The following CEP83 variants were observed in gnomAD, a reference collection of about 807,000 sequenced individuals.
The protein encoded by CEP83 is centrosomal protein 83.
Under a neutral mutation model 101.9 loss-of-function variants are expected in CEP83, and 70 were observed. That is an observed-to-expected ratio of 0.69 (90% CI 0.57 to 0.84). The LOEUF is 0.84. Among genes scored for constraint, CEP83 ranks in the 40% least tolerant of loss-of-function variants. The pLI is 0.00. For missense variants in CEP83, 715 were observed against 787.2 expected, an observed-to-expected ratio of 0.91 and a Z score of 1.10; for synonymous variants, 264 against 267.9, an observed-to-expected ratio of 0.99 and a Z score of 0.14.
At chr12:94,416,823 C>T (rs1461210171) in intron 2 of CEP83, among the ~76,000 whole-genome samples, 2 of 151,838 alleles carry the variant, frequency 1.3e-5, no homozygotes, top group African/African-American at 4.8e-5. Context: ...CCTCCCTCAC[C>T]CCACTGAAAT....
At chr12:94,320,906 T>C (rs1241861243) in intron 14 of CEP83, among the ~76,000 whole-genome samples, 1 of 152,214 alleles carries the variant, frequency 6.6e-6, no homozygotes, top group Non-Finnish European at 1.5e-5. Context: ...TCTCTATAGT[T>C]CCTGTTGGTC....
At chr12:94,349,724 C>T (rs2060115648) in intron 11 of CEP83, among the ~76,000 whole-genome samples, 1 of 152,188 alleles carries the variant, frequency 6.6e-6, no homozygotes, top group Admixed American at 6.5e-5. Context: ...CAAGTACTCC[C>T]ACTTTTGCCA....
chr12:94,305,298 C>G, downstream of CEP83: 1 of 1,499,184 alleles, frequency 6.7e-7, no homozygotes, highest in Non-Finnish European at 9.2e-7. Context: ...ACTCTGGGGC[C>G]TGGCTTAATC....
At chr12:94,405,655 T>C (rs547563100) in intron 4 of CEP83, among the ~76,000 whole-genome samples, 3 of 152,228 alleles carry the variant, frequency 2.0e-5, no homozygotes, top group South Asian at 4.1e-4. Context: ...ATTAAACAGT[T>C]TGCAAGACAC....
chr12:94,334,010 A>G (rs1018733785), intron 12 of CEP83, among the ~76,000 whole-genome samples: 10 of 151,738 alleles, frequency 6.6e-5, no homozygotes, highest in South Asian at 2.1e-4. Context: ...ACCTCCTAGG[A>G]AAAAAAACTG....
At chr12:94,365,621 TTAG>T (rs2060981708) in intron 11 of CEP83, among the ~76,000 whole-genome samples, 1 of 151,840 alleles carries the variant, frequency 6.6e-6, no homozygotes, top group Admixed American at 6.6e-5. Flanking sequence ...AATACAAAAT[TTAG>T]CCAGTTGTGG....
At chr12:94,316,157 T>C (rs929075412) in intron 14 of CEP83, among the ~76,000 whole-genome samples, 2 of 152,174 alleles carry the variant, frequency 1.3e-5, no homozygotes, top group South Asian at 2.1e-4. Flanking sequence ...TTTAGGCATT[T>C]TTCCATTTTT....
intron 2 of CEP83, among the ~76,000 whole-genome samples, chr12:94,417,113 A>C (rs1201223258): frequency 6.6e-6 from 1 of 152,166 alleles, no homozygotes; most frequent in Non-Finnish European, 1.5e-5. Context: ...CAGGAGTTCG[A>C]GACCAGCCTG....
chr12:94,333,881 A>G (rs1191206133), intron 12 of CEP83, among the ~76,000 whole-genome samples: 1 of 152,100 alleles, frequency 6.6e-6, no homozygotes, highest in Admixed American at 6.5e-5. Context: ...TTTCCAAAAT[A>G]TGCAGGCCAG....
At chr12:94,338,105 T>A (rs909348627) in intron 11 of CEP83, among the ~76,000 whole-genome samples, 2 of 152,144 alleles carry the variant, frequency 1.3e-5, no homozygotes, top group Admixed American at 6.5e-5. Flanking sequence ...AGTGATCAGT[T>A]CTAGGTGACG....
rs2060607977 is a variant in CEP83 at position 94,358,890 on chromosome 12, A to G, written c.1343+8904T>C. Reference sequence around the variant, plus strand: ...GGCCATAAATAAAATCTCTGCAGCAATGTAACATGTCCATAATGGCCATAA... The same window carrying G: ...GGCCATAAATAAAATCTCTGCAGCAGTGTAACATGTCCATAATGGCCATAA... On this transcript the variant is annotated intron_variant, in intron 11 of 16. Transcript: ENST00000397809. Among the ~76,000 whole-genome samples the G allele has an allele frequency of 2.6e-5, 4 of 152,256 alleles. No homozygotes were observed. In the South Asian group the frequency reaches 8.3e-4, roughly 31 times the overall value.
At chr12:94,403,378 A>T in intron 4 of CEP83, 116 bp from the exon 5 acceptor site, 1 of 565,034 alleles carries the variant, frequency 1.8e-6, no homozygotes, top group Admixed American at 3.4e-5. Context: ...TTTGCAATAT[A>T]GTTTTTTTAC....
intron 14 of CEP83, among the ~76,000 whole-genome samples, chr12:94,315,270 C>T (rs1208369633): frequency 6.6e-6 from 1 of 152,124 alleles, no homozygotes; most frequent in Admixed American, 6.5e-5. Context: ...TTAGCTTTTG[C>T]ATCCTGTTTT....
chr12:94,384,450 C>T (rs1237213232), intron 6 of CEP83, among the ~76,000 whole-genome samples: 2 of 152,132 alleles, frequency 1.3e-5, no homozygotes, highest in Non-Finnish European at 2.9e-5. Flanking sequence ...TGTGCCTTTA[C>T]CAAACTTGGA....
In CEP83 at chr12:94,369,916, T is replaced by C. The variant is rs562683007; in HGVS notation, c.1048+6A>G. On this transcript the variant is annotated splice_donor_region_variant and intron_variant, in intron 9 of 16. Coordinates refer to ENST00000397809, the MANE Select transcript of CEP83 (RefSeq NM_016122.3). The stretch of plus-strand genomic sequence containing the variant: ...AGCAGCAGCAGCAAGGGAAATCACA[T>C]ATTACCATCCAGTTCACTTTGAATC... 112 of 1,417,456 alleles carry C rather than the reference T, an allele frequency of 7.9e-5. No homozygotes were observed. In the South Asian group the frequency reaches 1.2e-3, roughly 15 times the overall value. The allele number at this position is 1,417,456 out of a possible 1,614,324, so 87.8% of individuals were successfully genotyped here. A position where few individuals can be genotyped will look rare whatever the true frequency, so the allele number is the denominator to read the frequency against.
rs571513467 is a variant in CEP83, at chr12:94,440,923, A to G, written c.-154-5596T>C. Among the ~76,000 whole-genome samples, 182 of 152,354 alleles carry G rather than the reference A, an allele frequency of 1.2e-3. 1 individual carries two copies. The highest frequency in any genetic ancestry group is 6.8e-3 in the Middle Eastern group (2 of 294). On this transcript the variant is annotated intron_variant, in intron 1 of 16. Transcript: ENST00000397809. ...TTTGACAAAGCAAACAAAAACATAAAGTAGAGAAACGACAACCTATTCAAC... is the reference window on the plus strand; with the variant it reads ...TTTGACAAAGCAAACAAAAACATAAGGTAGAGAAACGACAACCTATTCAAC...
intron 1 of CEP83, among the ~76,000 whole-genome samples, chr12:94,450,572 C>A (rs914037038): frequency 6.6e-6 from 1 of 152,058 alleles, no homozygotes; most frequent in African/African-American, 2.4e-5. Flanking sequence ...TTTGTGCTAA[C>A]AATGAACAAT....
chr12:94,449,182 G>A (rs1369836408), intron 1 of CEP83, among the ~76,000 whole-genome samples: 1 of 151,960 alleles, frequency 6.6e-6, no homozygotes, highest in Admixed American at 6.6e-5. Flanking sequence ...TATATGAAAT[G>A]GACTACACTT....
chr12:94,451,467 CAAAA>C (rs34200750), intron 1 of CEP83, among the ~76,000 whole-genome samples: 10 of 102,662 alleles, frequency 9.7e-5, no homozygotes, highest in Non-Finnish European at 2.0e-4. Context: ...TCAGTAAGAC[CAAAA>C]AAAAAAAAAA....
Sources: gnomAD v4.1 joint callset for allele counts (sites outside exome capture counted in the v4.1 genomes callset) on GRCh38, gnomAD v4.1.1 for gene constraint, MANE v1.5 for transcripts, NCBI Gene and HGNC (gene_info 2026-07-23, HGNC 2026-07-21) for gene names.